The following TMED2 variants were observed in gnomAD, a reference collection of about 807,000 sequenced individuals.
TMED2 encodes transmembrane emp24 domain-containing protein 2.
A neutral mutation model predicts 17.5 loss-of-function variants in TMED2; 3 were observed. The ratio of observed to expected loss-of-function variants is 0.17; its 90% CI spans 0.08 to 0.44. TMED2 has a LOEUF of 0.44. TMED2 is among the 20% of genes least tolerant of loss of function. TMED2 has a pLI of 0.99. For missense variants in TMED2, 149 were observed against 254.8 expected, an observed-to-expected ratio of 0.58 and a Z score of 2.83; for synonymous variants, 95 against 91.0, an observed-to-expected ratio of 1.04 and a Z score of -0.25.
intron 1 of TMED2, among the ~76,000 whole-genome samples, chr12:123,585,376 C>T (rs758030955): frequency 6.6e-6 from 1 of 152,184 alleles, no homozygotes; most frequent in Non-Finnish European, 1.5e-5. Context: ...CCAGCTACCT[C>T]GTTTAGTCTC....
In TMED2 at chr12:123,597,550, T is replaced by G. The variant is rs1953440302; in HGVS notation, c.*821T>G. On this transcript the variant is annotated 3_prime_UTR_variant, in exon 4 of 4. Transcript: ENST00000262225. ...TAATTGGAAAAATCTGGATTTCTGATGCCAAAGGGTTAAAGCTTCTTGGAT... is the reference window on the plus strand; with the variant it reads ...TAATTGGAAAAATCTGGATTTCTGAGGCCAAAGGGTTAAAGCTTCTTGGAT... 1 of 152,676 alleles carries G rather than the reference T, an allele frequency of 6.5e-6. No homozygotes were observed. The highest frequency in any genetic ancestry group is 1.5e-5 in the Non-Finnish European group (1 of 68,044). 9.5% of individuals were successfully genotyped at this position (152,676 alleles called of 1,614,324 possible).
At chr12:123,595,017 T>G (rs1593641594) in intron 3 of TMED2, among the ~76,000 whole-genome samples, 1 of 152,010 alleles carries the variant, frequency 6.6e-6, no homozygotes, top group East Asian at 1.9e-4. Flanking sequence ...TCACCTGAGG[T>G]TAAGAGTTCA....
intron 1 of TMED2, chr12:123,585,622 T>TA (rs1256456240): frequency 6.6e-6 from 1 of 152,222 alleles, no homozygotes; most frequent in East Asian, 1.9e-4. Flanking sequence ...GGGCACAAGT[T>TA]ACACAATACA....
In TMED2 at chr12:123,584,738, T is replaced by C. The variant is rs763408356; in HGVS notation, c.102T>C (p.Phe34=). 1.9e-6 allele frequency: 3 copies of C among 1,613,814 alleles called. No individual in the cohort carries two copies. The highest frequency in any genetic ancestry group is 8.5e-7 in the Non-Finnish European group (1 of 1,179,896). The change falls in exon 1 of 4, where the codon TTT becomes TTC. Residue 34 remains phenylalanine, a synonymous_variant. Transcript: ENST00000262225. ...ACGCCCATGCTGAAGAGTGCTTCTT[T>C]GAGCGGGTCACCTCGGGCACCAAGA... The part of the protein sequence containing the change: ...SIDAHAEECF[F]ERVTSGTKMG...
At chr12:123,593,784 C>T (rs745332708) in intron 3 of TMED2, among the ~76,000 whole-genome samples, 19 of 152,072 alleles carry the variant, frequency 1.2e-4, no homozygotes, top group African/African-American at 4.6e-4. Context: ...AGGCGTGAGC[C>T]ACCACGCCAA....
chr12:123,593,400 A>C (rs995384391), intron 3 of TMED2, among the ~76,000 whole-genome samples: 4 of 152,036 alleles, frequency 2.6e-5, no homozygotes, highest in Non-Finnish European at 4.4e-5. Flanking sequence ...CTACAGGCGC[A>C]CGCCACCACC....
At chr12:123,585,248 T>G (rs1886319116) in intron 1 of TMED2, 1 of 162,496 alleles carries the variant, frequency 6.2e-6, no homozygotes, top group African/African-American at 2.4e-5. Flanking sequence ...GCACGGAAAC[T>G]TTTCCAAAAA....
At chr12:123,587,091 CTAAT>C (rs1642650537) in intron 2 of TMED2, 152 bp downstream of exon 2, 1 of 663,104 alleles carries the variant, frequency 1.5e-6, no homozygotes, top group Non-Finnish European at 2.2e-6. Flanking sequence ...TGCAAGTCTC[CTAAT>C]TAATAAAAAA....
chr12:123,597,922 T>G lies in TMED2; in HGVS notation c.*1193T>G, dbSNP rs955438363. 5 of 152,474 alleles carry G rather than the reference T, an allele frequency of 3.3e-5. No homozygotes were observed. Among genetic ancestry groups the G allele is most frequent in the African/African-American group, 1.2e-4 (5 of 41,392 alleles). The allele number at this position is 152,474 out of a possible 1,614,324, so 9.4% of individuals were successfully genotyped here. A position where few individuals can be genotyped will look rare whatever the true frequency, so the allele number is the denominator to read the frequency against. On this transcript the variant is annotated 3_prime_UTR_variant, in exon 4 of 4. Transcript: ENST00000262225. ...GTTTTATATAATTAATTTAAATTTG[T>G]TACAGGTTTTCATGTTCAGGATAAA...
chr12:123,585,041 T>C, intron 1 of TMED2: 1 of 542,838 alleles, frequency 1.8e-6, no homozygotes, highest in Non-Finnish European at 3.3e-6. Context: ...TGGGGGCTCC[T>C]TCGGCATGCT....
Position 123,596,848 on chromosome 12 carries a change from T to C in TMED2, c.*119T>C. ...GAACTGTACATTCACAACTTATGTT[T>C]CTTTGAGATTAATAGATATTGGGGG... is the stretch of plus-strand genomic sequence containing the variant. On this transcript the variant is annotated 3_prime_UTR_variant, in exon 4 of 4. Coordinates refer to ENST00000262225, the MANE Select transcript of TMED2 (RefSeq NM_006815.4). The C allele has an allele frequency of 7.9e-7, 1 of 1,262,152 alleles. No homozygotes were observed. Among genetic ancestry groups the C allele is most frequent in the Non-Finnish European group, 1.0e-6 (1 of 964,998 alleles). 78.2% of individuals were successfully genotyped at this position (1,262,152 alleles called of 1,614,324 possible).
Position 123,588,370 on chromosome 12 carries a change from TAG to T in TMED2, c.373+1436_373+1437del, listed in dbSNP as rs374676442. Among the ~76,000 whole-genome samples, 94 of 152,288 alleles carry T rather than the reference TAG, an allele frequency of 6.2e-4. 1 individual carries two copies. The highest frequency in any genetic ancestry group is 2.2e-3 in the African/African-American group (92 of 41,558). ...GTTGGATTTTGAAATCTATAGAATT[TAG>T]AGAGTCCTACTACTTAGTAATTCCT... On this transcript the variant is annotated intron_variant, in intron 2 of 3. Transcript: ENST00000262225.
At position 123,596,716 on chromosome 12, in the gene TMED2, G is replaced by A. The variant is rs746703169; in HGVS notation, c.593G>A (p.Arg198Gln). ...TACCTGAAGAGATTTTTTGAAGTCC[G>A]GAGAGTTGTTTAAAAAGCCTCTTCC... ...IYYLKRFFEV[R>Q]RVV The change falls in exon 4 of 4, where the codon CGG (arginine) becomes CAG (glutamine). Residue 198 changes from arginine (R) to glutamine (Q), a missense_variant. Physicochemically the swap from Arg to Gln is conservative, Grantham distance 43. Transcript: ENST00000262225. The A allele has an allele frequency of 6.2e-6, 10 of 1,606,870 alleles. No homozygotes were observed. The highest frequency in any genetic ancestry group is 2.2e-5 in the East Asian group (1 of 44,550).
At position 123,598,114 on chromosome 12, in the gene TMED2, G is replaced by A. The variant is rs1437097867; in HGVS notation, c.*1385G>A. Reference sequence around the variant, plus strand: ...GTTGTATCTAATATGCCCCAGGTTCGGTAAATAAACAATTCTTTTTAAAAA... The same window carrying A: ...GTTGTATCTAATATGCCCCAGGTTCAGTAAATAAACAATTCTTTTTAAAAA... On this transcript the variant is annotated 3_prime_UTR_variant, in exon 4 of 4. Transcript: ENST00000262225. 1 of 152,072 alleles carries A rather than the reference G, an allele frequency of 6.6e-6. No homozygotes were observed. The highest frequency in any genetic ancestry group is 1.5e-5 in the Non-Finnish European group (1 of 67,926). The allele number at this position is 152,072 out of a possible 1,614,324, so 9.4% of individuals were successfully genotyped here.
chr12:123,596,524 T>A, intron 3 of TMED2, 81 bp from the exon 4 acceptor site: 1 of 1,509,932 alleles, frequency 6.6e-7, no homozygotes, highest in Non-Finnish European at 8.9e-7. Flanking sequence ...TCACACAGAG[T>A]GAAGACTAAA....
rs1886309285 is a variant in TMED2, at chr12:123,584,872, T to C, written c.180+56T>C. On this transcript the variant is annotated intron_variant, in intron 1 of 3. Transcript: ENST00000262225. The stretch of plus-strand genomic sequence containing the variant: ...GGTCGCGTGGCCACTCGGGGATTGG[T>C]GGCACCTGGGACCGGCGCGGGGCCT... The C allele has an allele frequency of 1.3e-5, 21 of 1,589,848 alleles. 1 individual carries two copies. In the African/African-American group the frequency reaches 1.5e-4, roughly 11 times the overall value.
At chr12:123,589,092 C>T (rs770373128) in intron 2 of TMED2, among the ~76,000 whole-genome samples, 6 of 152,164 alleles carry the variant, frequency 3.9e-5, no homozygotes, top group Non-Finnish European at 7.4e-5. Flanking sequence ...TGTTCATTCT[C>T]ATAACGTGGC....
chr12:123,595,693 A>C (rs754626250), intron 3 of TMED2, among the ~76,000 whole-genome samples: 2 of 152,110 alleles, frequency 1.3e-5, no homozygotes, highest in South Asian at 2.1e-4. Flanking sequence ...GGCAAGTCAC[A>C]TTTTCTTCTC....
chr12:123,594,332 C>T (rs1208751605), intron 3 of TMED2, among the ~76,000 whole-genome samples: 2 of 151,762 alleles, frequency 1.3e-5, no homozygotes, highest in Non-Finnish European at 2.9e-5. Flanking sequence ...GACGGGGTTT[C>T]ACTGTGTTAG....
Sources: allele counts gnomAD v4.1 joint callset (sites outside exome capture counted in the v4.1 genomes callset), GRCh38; gene constraint gnomAD v4.1.1; transcripts MANE v1.5; gene names NCBI Gene and HGNC (gene_info 2026-07-23, HGNC 2026-07-21).